The following CDH13 variants were observed in gnomAD, a reference collection of about 807,000 sequenced individuals.
CDH13 encodes cadherin 13.
CDH13 carries 24 observed loss-of-function variants against 63.8 expected under a neutral mutation model. The ratio of observed to expected loss-of-function variants is 0.38; its 90% CI spans 0.27 to 0.53. The LOEUF (loss-of-function observed/expected upper bound fraction) is 0.53. Among genes scored for constraint, CDH13 ranks in the 20% least tolerant of loss-of-function variants. CDH13 has a pLI of 0.85. For synonymous variants in CDH13, 503 were observed against 355.3 expected (o/e 1.42, Z -4.67); for missense variants, 1,049 against 903.1 (o/e 1.16, Z -2.07).
intron 3 of CDH13, among the ~76,000 whole-genome samples, chr16:83,082,911 A>C (rs751670381): frequency 6.6e-6 from 1 of 152,236 alleles, no homozygotes; most frequent in Non-Finnish European, 1.5e-5. Flanking sequence ...ATGCAAAGGG[A>C]AAAATGATTT....
At chr16:83,401,385 C>T (rs1280086271) in intron 6 of CDH13, among the ~76,000 whole-genome samples, 1 of 151,182 alleles carries the variant, frequency 6.6e-6, no homozygotes, top group African/African-American at 2.4e-5. Flanking sequence ...AAAAAATTAG[C>T]CAGGCGTGGT....
At chr16:82,696,528 A>G (rs2030309521) in intron 1 of CDH13, among the ~76,000 whole-genome samples, 1 of 152,206 alleles carries the variant, frequency 6.6e-6, no homozygotes, top group Non-Finnish European at 1.5e-5. Flanking sequence ...GATGGCAGCA[A>G]ATATGTAAAA....
intron 2 of CDH13, among the ~76,000 whole-genome samples, chr16:83,028,148 G>A (rs557128913): frequency 2.6e-5 from 4 of 152,316 alleles, no homozygotes; most frequent in South Asian, 2.1e-4. Flanking sequence ...TCATGCTGGC[G>A]ATTGAAGCAG....
Position 83,206,832 on chromosome 16 carries a change from G to T in CDH13, c.484-10513G>T, listed in dbSNP as rs1300731285. 9.2e-5 allele frequency among the ~76,000 whole-genome samples: 14 copies of T among 152,330 alleles called. No individual in the cohort carries two copies. The East Asian group carries it at 2.5e-3, about 27-fold the overall frequency. ...CAAGAGACCAAGGACACTGACCAGA[G>T]TATTTTTCTTTACAGAGCCTCCTAG... On this transcript the variant is annotated intron_variant, in intron 4 of 13. Coordinates refer to ENST00000567109, the MANE Select transcript of CDH13 (RefSeq NM_001257.5).
At chr16:83,794,115 A>G (rs1366036112) in intron 13 of CDH13, among the ~76,000 whole-genome samples, 1 of 152,204 alleles carries the variant, frequency 6.6e-6, no homozygotes, top group East Asian at 1.9e-4. Flanking sequence ...AGCCTCCAGA[A>G]GGAGCACAGC....
chr16:82,810,871 G>C (rs1245031696), intron 1 of CDH13, among the ~76,000 whole-genome samples: 1 of 146,842 alleles, frequency 6.8e-6, no homozygotes, highest in Non-Finnish European at 1.5e-5. Context: ...GGGTGATTGT[G>C]AGTCAGGGGG....
intron 4 of CDH13, among the ~76,000 whole-genome samples, chr16:83,191,778 G>T (rs1459022505): frequency 1.3e-5 from 2 of 151,662 alleles, no homozygotes; most frequent in Non-Finnish European, 2.9e-5. Context: ...ACGTTTTTCT[G>T]CCTGCTTTAT....
At chr16:82,725,949 T>A (rs1007353005) in intron 1 of CDH13, among the ~76,000 whole-genome samples, 1 of 152,122 alleles carries the variant, frequency 6.6e-6, no homozygotes, top group South Asian at 2.1e-4. Context: ...GGGAGAATTA[T>A]TAAAGCTCTC....
intron 3 of CDH13, among the ~76,000 whole-genome samples, chr16:83,033,080 A>G (rs1195465849): frequency 1.3e-5 from 2 of 152,212 alleles, no homozygotes; most frequent in South Asian, 2.1e-4. Context: ...CATATGTACC[A>G]TATACTTATG....
At chr16:83,606,471 C>T (rs1355311807) in intron 8 of CDH13, among the ~76,000 whole-genome samples, 2 of 152,076 alleles carry the variant, frequency 1.3e-5, no homozygotes, top group Non-Finnish European at 2.9e-5. Flanking sequence ...GGAGTGGTGG[C>T]TCGTGTCTGT....
At chr16:82,795,951 T>TTG (rs1264801786) in intron 1 of CDH13, among the ~76,000 whole-genome samples, 2 of 152,026 alleles carry the variant, frequency 1.3e-5, no homozygotes, top group African/African-American at 2.4e-5. Flanking sequence ...ATTCTTTTTT[T>TTG]TTTTTTTTTT....
intron 2 of CDH13, chr16:82,859,749 AG>A (rs2039857119): frequency 6.6e-6 from 1 of 151,848 alleles, no homozygotes; most frequent in African/African-American, 2.4e-5. Flanking sequence ...AAAAAAAAAA[AG>A]CACACTTGAC....
chr16:83,673,505 A>C (rs767015547), intron 9 of CDH13, among the ~76,000 whole-genome samples: 10 of 152,080 alleles, frequency 6.6e-5, no homozygotes, highest in Non-Finnish European at 1.5e-4. Flanking sequence ...AAATTAAGAC[A>C]TCTCGATGGA....
chr16:83,416,025 A>C (rs191638246), intron 6 of CDH13, among the ~76,000 whole-genome samples: 5 of 152,340 alleles, frequency 3.3e-5, no homozygotes, highest in Non-Finnish European at 5.9e-5. Flanking sequence ...AAAAACTATT[A>C]GAATTAATAA....
intron 3 of CDH13, among the ~76,000 whole-genome samples, chr16:83,124,965 T>G (rs2035745451): frequency 6.6e-6 from 1 of 152,218 alleles, no homozygotes; most frequent in Non-Finnish European, 1.5e-5. Flanking sequence ...GCATCTAACT[T>G]AGTTCTTTTC....
At chr16:82,744,478 T>C (rs1206945954) in intron 1 of CDH13, among the ~76,000 whole-genome samples, 5 of 152,040 alleles carry the variant, frequency 3.3e-5, no homozygotes, top group Admixed American at 6.6e-5. Context: ...CTGAACCCAA[T>C]TGGTCCAGTT....
At chr16:82,772,127 T>G (rs1261713076) in intron 1 of CDH13, among the ~76,000 whole-genome samples, 1 of 152,112 alleles carries the variant, frequency 6.6e-6, no homozygotes, top group Non-Finnish European at 1.5e-5. Context: ...GATGTTAAAT[T>G]GTTAGGAATT....
chr16:83,471,135 C>G (rs1046409990), intron 6 of CDH13, among the ~76,000 whole-genome samples: 1 of 152,108 alleles, frequency 6.6e-6, no homozygotes, highest in African/African-American at 2.4e-5. Flanking sequence ...CCCAGATAAT[C>G]TAGGATAAGC....
chr16:82,891,696 T>C (rs547431092), intron 2 of CDH13, among the ~76,000 whole-genome samples: 52 of 152,300 alleles, frequency 3.4e-4, no homozygotes, highest in South Asian at 1.9e-3. Flanking sequence ...GAGCAGACCA[T>C]AGGTTATACT....
Sources: gnomAD v4.1 joint callset for allele counts (sites outside exome capture counted in the v4.1 genomes callset) on GRCh38, gnomAD v4.1.1 for gene constraint, MANE v1.5 for transcripts, NCBI Gene and HGNC (gene_info 2026-07-23, HGNC 2026-07-21) for gene names.